SPON2: variants seen among roughly 807,000 people sequenced by gnomAD.
The protein encoded by SPON2 is spondin-2.
SPON2 carries 32 observed loss-of-function variants against 29.9 expected under a neutral mutation model. The ratio of observed to expected loss-of-function variants is 1.07; its 90% confidence interval spans 0.81 to 1.44. The LOEUF is 1.44. SPON2 is among the 40% of genes most tolerant of loss of function. The probability of loss-of-function intolerance (pLI) is 0.00; values close to 1 mark genes in which losing one functional copy is unlikely to be tolerated. For missense variants in SPON2, 541 were observed against 455.5 expected (o/e 1.19, Z -1.71); for synonymous variants, 248 against 209.1 (o/e 1.19, Z -1.61).
At chr4:1,169,175 CTG>C (rs1200590246) in intron 5 of SPON2, among the ~76,000 whole-genome samples, 3 of 152,076 alleles carry the variant, frequency 2.0e-5, no homozygotes, top group African/African-American at 4.8e-5. Context: ...CCCCTGCCCA[CTG>C]TGGCCCAGTG....
intron 5 of SPON2, among the ~76,000 whole-genome samples, chr4:1,168,428 G>A (rs1727317497): frequency 2.0e-5 from 3 of 152,366 alleles, no homozygotes; most frequent in East Asian, 1.9e-4. Flanking sequence ...GCTACTGAAG[G>A]ATGAGAGAGA....
rs200270528 is a variant in SPON2 at position 1,167,666 on chromosome 4, G to A, written c.812-10C>T. On this transcript the variant is annotated splice_polypyrimidine_tract_variant and intron_variant, in intron 5 of 5. Coordinates refer to ENST00000290902, the MANE Select transcript of SPON2 (RefSeq NM_012445.4). ...AGCGGCGTTTCTGGAACTGGACCAA[G>A]CAAAGGGGAGACCGAGGTGAACGCT... is the stretch of plus-strand genomic sequence containing the variant. The A allele has an allele frequency of 2.0e-3, 3,093 of 1,580,058 alleles. 4 individuals are homozygous for A. Among genetic ancestry groups the A allele is most frequent in the Non-Finnish European group, 2.5e-3 (2,910 of 1,160,502 alleles).
rs1398514285 is a variant in SPON2 at position 1,171,119 on chromosome 4, G to A, written c.516C>T (p.Asp172=). 1.9e-6 allele frequency: 3 copies of A among 1,552,256 alleles called. No individual in the cohort carries two copies. Among genetic ancestry groups the A allele is most frequent in the Admixed American group, 1.9e-5 (1 of 51,390 alleles). The part of the protein sequence containing the change: ...FVGVDSLDLC[D]GDRWREQAAL... The stretch of plus-strand genomic sequence containing the variant: ...CCGCCTGTTCCCGCCAACGGTCCCC[G>A]TCGCACAGGTCCAGGCTGTCCACGC... The change falls in exon 4 of 6, where the codon GAC becomes GAT. Residue 172 remains aspartate, a synonymous_variant. Coordinates refer to ENST00000290902, the MANE Select transcript of SPON2 (RefSeq NM_012445.4).
At chr4:1,207,546 G>A (rs961305100) in intron 1 of SPON2, among the ~76,000 whole-genome samples, 4 of 151,300 alleles carry the variant, frequency 2.6e-5, no homozygotes, top group African/African-American at 9.8e-5. Flanking sequence ...ACATGCTCCA[G>A]AGGGTCCGGC....
In SPON2 at chr4:1,171,976, C is replaced by T. The variant is rs11538062; in HGVS notation, c.96G>A (p.Glu32=). ...CCAGGGCTCTGGCGGAACAGATGGA[C>T]TCTCCCCCAAGAGGCTGGCCGGCGG... ...LGAAGQPLGG[E]SICSARALAK... is the part of the protein sequence containing the mutation. The change falls in exon 2 of 6, where the codon GAG becomes GAA. Residue 32 remains glutamate (E), a synonymous_variant. Transcript: ENST00000290902. 0.14 allele frequency: 219,737 copies of T among 1,612,804 alleles called. 15,397 individuals are homozygous for T. Among genetic ancestry groups the T allele is most frequent in the East Asian group, 0.18 (8,109 of 44,854 alleles).
intron 1 of SPON2, among the ~76,000 whole-genome samples, chr4:1,187,610 G>T (rs73067794): frequency 0.02 from 3,050 of 152,078 alleles, 114 homozygotes; most frequent in African/African-American, 0.07. Context: ...AGATGCCCTA[G>T]GGATTACAAT....
chr4:1,186,012 A>G (rs11247977), intron 1 of SPON2, among the ~76,000 whole-genome samples: 118,156 of 149,408 alleles, frequency 0.79, 46,889 homozygotes, highest in Admixed American at 0.82. Flanking sequence ...TGGGAGGCCG[A>G]GGCGGGCGGA....
chr4:1,204,328 T>C (rs1445562576), intron 1 of SPON2, among the ~76,000 whole-genome samples: 2 of 152,242 alleles, frequency 1.3e-5, no homozygotes, highest in Non-Finnish European at 2.9e-5. Context: ...AATGCTACTG[T>C]GTGACCCCAT....
At chr4:1,180,827 A>T (rs1197684113) in intron 1 of SPON2, among the ~76,000 whole-genome samples, 1 of 152,236 alleles carries the variant, frequency 6.6e-6, no homozygotes, top group Non-Finnish European at 1.5e-5. Flanking sequence ...AATTGAAAGT[A>T]TCCAGCTTGA....
At chr4:1,196,506 G>A (rs372160387), upstream of SPON2, among the ~76,000 whole-genome samples, 2 of 152,254 alleles carry the variant, frequency 1.3e-5, no homozygotes, top group East Asian at 1.9e-4. Context: ...AGGCCACTGC[G>A]GTGACCAGGG....
At chr4:1,206,642 C>A (rs1272981648) in intron 1 of SPON2, among the ~76,000 whole-genome samples, 1 of 152,176 alleles carries the variant, frequency 6.6e-6, no homozygotes, top group Admixed American at 6.5e-5. Context: ...ATAGAAGGAG[C>A]CTCCCCAGGC....
At position 1,167,623 on chromosome 4, in the gene SPON2, A is replaced by G. The variant is rs760119684; in HGVS notation, c.845T>C (p.Leu282Pro). ...TCCGCACAGTCCCCAGGACGACCAC[A>G]GGGAGACCTCGCAGTCCAGCGGCGT... is the stretch of plus-strand genomic sequence containing the variant. ...PETPLDCEVS[L>P]WSSWGLCGGH... The change falls in exon 6 of 6, where the codon CTG (leucine) becomes CCG (proline). Residue 282 changes from leucine (L) to proline (P), a missense_variant. Transcript: ENST00000290902. 1.7e-5 allele frequency: 27 copies of G among 1,611,722 alleles called. No homozygotes were observed. In the East Asian group the frequency reaches 5.4e-4, roughly 32 times the overall value.
chr4:1,187,889 A>G (rs889502294), intron 1 of SPON2, among the ~76,000 whole-genome samples: 10 of 152,066 alleles, frequency 6.6e-5, no homozygotes, highest in Admixed American at 2.6e-4. Flanking sequence ...TGTTTTCCCC[A>G]ATTTTTTATT....
chr4:1,170,655 C>T (rs1402298925), intron 4 of SPON2, 79 bp from the exon 5 acceptor site: 4 of 1,462,422 alleles, frequency 2.7e-6, no homozygotes, highest in Non-Finnish European at 2.8e-6. Context: ...ACTGGGGCCA[C>T]TGCCCAGCGT....
intron 1 of SPON2, among the ~76,000 whole-genome samples, chr4:1,181,848 A>G (rs754672480): frequency 6.6e-6 from 1 of 152,190 alleles, no homozygotes; most frequent in Non-Finnish European, 1.5e-5. Flanking sequence ...GCAGGTGCCT[A>G]TTGTTTCACC....
At chr4:1,190,008 G>T (rs1395679787) in intron 1 of SPON2, among the ~76,000 whole-genome samples, 1 of 136,270 alleles carries the variant, frequency 7.3e-6, no homozygotes, top group Non-Finnish European at 1.6e-5. Context: ...AAAAAAAAAA[G>T]TTGGTTTTTG....
intron 1 of SPON2, chr4:1,201,585 CTTT>C (rs762283392): frequency 6.8e-5 from 10 of 146,682 alleles, no homozygotes; most frequent in South Asian, 3.9e-4. Context: ...CTGATGCTGA[CTTT>C]TTTTTTTTTT....
In SPON2 at chr4:1,170,419, A is replaced by G; in HGVS notation, c.794T>C (p.Ile265Thr). The stretch of plus-strand genomic sequence containing the variant: ...TCCGTTACCTGAGGCGCTGTCTACA[A>G]TCTCATTGTCCCTGCTGGGCAGGAC... ...APVLPSRDNEIVDSASVPETP... is the reference protein window; with the variant it reads ...APVLPSRDNETVDSASVPETP... Residue 265 changes from isoleucine to threonine, a missense_variant, in exon 5 of 6, where the codon ATT becomes ACT. Coordinates refer to ENST00000290902, the MANE Select transcript of SPON2 (RefSeq NM_012445.4). 2 of 1,613,450 alleles carry G rather than the reference A, an allele frequency of 1.2e-6. No individual in the cohort carries two copies. Among genetic ancestry groups the G allele is most frequent in the Non-Finnish European group, 1.7e-6 (2 of 1,179,818 alleles).
chr4:1,183,483 ACT>A (rs1317319395), intron 1 of SPON2, among the ~76,000 whole-genome samples: 1 of 152,198 alleles, frequency 6.6e-6, no homozygotes. Flanking sequence ...TTGTAACCCC[ACT>A]TTTTTGTTTT....
Sources: allele counts gnomAD v4.1 joint callset (sites outside exome capture counted in the v4.1 genomes callset), GRCh38; gene constraint gnomAD v4.1.1; transcripts MANE v1.5; gene names NCBI Gene and HGNC (gene_info 2026-07-23, HGNC 2026-07-21).